PPP1CC: variants seen among roughly 807,000 people sequenced by gnomAD.
The protein encoded by PPP1CC is protein phosphatase 1 catalytic subunit gamma, also known as serine/threonine-protein phosphatase PP1-gamma catalytic subunit.
Under a neutral mutation model 38.4 loss-of-function variants are expected in PPP1CC, and 16 were observed. That is an observed-to-expected ratio of 0.42 (90% CI 0.28 to 0.63). The LOEUF (loss-of-function observed/expected upper bound fraction) is 0.63, where lower values mean the gene tolerates loss of function less well. PPP1CC is among the 30% of genes least tolerant of loss of function. The pLI is 0.25. For missense variants in PPP1CC, 170 were observed against 391.3 expected (o/e 0.43, Z 4.77); for synonymous variants, 158 against 136.0 (o/e 1.16, Z -1.13).
intron 2 of PPP1CC, among the ~76,000 whole-genome samples, chr12:110,731,443 C>G (rs1402494059): frequency 6.6e-6 from 1 of 152,070 alleles, no homozygotes; most frequent in Non-Finnish European, 1.5e-5. Flanking sequence ...TTAGCTATAA[C>G]CAGTGTTGCT....
the PPP1CC span, among the ~76,000 whole-genome samples, chr12:110,711,884 C>A: frequency 6.6e-6 from 1 of 152,020 alleles, no homozygotes; most frequent in Non-Finnish European, 1.5e-5. Context: ...GAGATCGCAC[C>A]ATTGCACTCC....
In PPP1CC at chr12:110,724,641, C is replaced by CA; in HGVS notation, c.523+18dup. Reference sequence around the variant, plus strand: ...GGAAGGGATCAAAACCTATTTGGAACAAAAATCAGCCCACCTACCTCCATG... The same window carrying CA: ...GGAAGGGATCAAAACCTATTTGGAACAAAAAATCAGCCCACCTACCTCCATG... On this transcript the variant is annotated intron_variant, in intron 4 of 6. Transcript: ENST00000335007. 1 of 1,519,402 alleles carries CA rather than the reference C, an allele frequency of 6.6e-7. No homozygotes were observed. The highest frequency in any genetic ancestry group is 9.1e-7 in the Non-Finnish European group (1 of 1,094,396). 94.1% of individuals were successfully genotyped at this position (1,519,402 alleles called of 1,614,324 possible).
the PPP1CC span, among the ~76,000 whole-genome samples, chr12:110,711,966 A>T: frequency 3.3e-5 from 5 of 152,144 alleles, no homozygotes; most frequent in African/African-American, 1.2e-4. Flanking sequence ...TTAAAAATAC[A>T]GTCACATGCC....
intron 1 of PPP1CC, among the ~76,000 whole-genome samples, chr12:110,736,064 AAAACAAAC>A (rs10699448): frequency 3.3e-5 from 5 of 150,122 alleles, no homozygotes; most frequent in Non-Finnish European, 7.4e-5. Flanking sequence ...ACTTTGTCTC[AAAACAAAC>A]AAACAAACAA....
Position 110,722,252 on chromosome 12 carries a change from A to G in PPP1CC, c.765T>C (p.Tyr255=). Residue 255 remains tyrosine, a synonymous_variant, in exon 6 of 7, where the codon TAT becomes TAC. Coordinates refer to ENST00000335007, the MANE Select transcript of PPP1CC (RefSeq NM_002710.4). The surrounding 1 kb of genome is among the most constrained non-coding windows in gnomAD (Gnocchi z 5.4). ...CRAHQVVEDG[Y]EFFAKRQLVT... is the part of the protein sequence containing the mutation. ...CCAACTGCCTCTTTGCAAAAAATTCATATCCATCTTCAACCACCTTGAAGA... is the reference window on the plus strand; with the variant it reads ...CCAACTGCCTCTTTGCAAAAAATTCGTATCCATCTTCAACCACCTTGAAGA... 6.2e-7 allele frequency: 1 copy of G among 1,614,104 alleles called. No individual in the cohort carries two copies. Among genetic ancestry groups the G allele is most frequent in the Non-Finnish European group, 8.5e-7 (1 of 1,179,996 alleles).
At chr12:110,730,834 T>A in intron 2 of PPP1CC, 75 bp from the exon 3 acceptor site, 1 of 979,932 alleles carries the variant, frequency 1.0e-6, no homozygotes. Context: ...TGGAAAGACA[T>A]TCTTTAAATA....
At chr12:110,708,674 C>A in the PPP1CC span, among the ~76,000 whole-genome samples, 1 of 151,886 alleles carries the variant, frequency 6.6e-6, no homozygotes, top group East Asian at 1.9e-4. Context: ...CATGGTGAAA[C>A]CCCGCCTTTA....
In PPP1CC at chr12:110,722,073, T is replaced by G; in HGVS notation, c.882+62A>C. On this transcript the variant is annotated intron_variant, in intron 6 of 6. Transcript: ENST00000335007. This position sits in a 1 kb window ranked among gnomAD's most constrained non-coding sequence, Gnocchi z 5.4. The stretch of plus-strand genomic sequence containing the variant: ...AACACTAGGCAAAAAGTAGCAATTA[T>G]ATTTTTCAATCAGCAAAGTGTAAAC... 6.3e-7 allele frequency: 1 copy of G among 1,599,126 alleles called. No individual in the cohort carries two copies. The highest frequency in any genetic ancestry group is 1.1e-5 in the South Asian group (1 of 89,720).
chr12:110,710,568 A>G, the PPP1CC span, among the ~76,000 whole-genome samples: 1 of 151,704 alleles, frequency 6.6e-6, no homozygotes, highest in Non-Finnish European at 1.5e-5. Flanking sequence ...AATACAAAAA[A>G]TTAGCTGGGT....
chr12:110,732,277 G>A, intron 1 of PPP1CC: 1 of 289,858 alleles, frequency 3.4e-6, no homozygotes, highest in East Asian at 5.9e-5. Flanking sequence ...CGCCAACATG[G>A]CGTGCACCTG....
At chr12:110,733,443 C>T (rs1035099874) in intron 1 of PPP1CC, among the ~76,000 whole-genome samples, 3 of 152,094 alleles carry the variant, frequency 2.0e-5, no homozygotes, top group Non-Finnish European at 4.4e-5. Flanking sequence ...TGCAGTTAGT[C>T]AATGCCATCA....
chr12:110,732,903 G>C (rs1045214244), intron 1 of PPP1CC: 1 of 152,132 alleles, frequency 6.6e-6, no homozygotes, highest in South Asian at 2.1e-4. Context: ...AAGTAGCACG[G>C]AACTGCTAAA....
intron 1 of PPP1CC, among the ~76,000 whole-genome samples, chr12:110,739,285 G>A (rs954829435): frequency 2.0e-5 from 3 of 151,988 alleles, no homozygotes; most frequent in African/African-American, 7.3e-5. Flanking sequence ...TCCAGCCTGG[G>A]TGACAGAGTG....
chr12:110,734,042 A>G (rs1360657786), intron 1 of PPP1CC, among the ~76,000 whole-genome samples: 1 of 151,834 alleles, frequency 6.6e-6, no homozygotes, highest in Admixed American at 6.6e-5. Context: ...TCTCTCATCC[A>G]TCTCCTCTCC....
chr12:110,730,505 C>T (rs2069859858), intron 3 of PPP1CC, 24 bp downstream of exon 3: 2 of 1,486,676 alleles, frequency 1.3e-6, no homozygotes, highest in African/African-American at 1.4e-5. Context: ...AATAACTCTT[C>T]CTTAGATATA....
At chr12:110,718,720 C>T (rs760869145), downstream of PPP1CC, among the ~76,000 whole-genome samples, 12 of 152,158 alleles carry the variant, frequency 7.9e-5, no homozygotes, top group African/African-American at 1.4e-4. Flanking sequence ...CTGCTATGGA[C>T]GTTTCATAGC....
chr12:110,715,806 A>G (rs2069682654), downstream of PPP1CC, among the ~76,000 whole-genome samples: 2 of 152,030 alleles, frequency 1.3e-5, no homozygotes, highest in Admixed American at 6.6e-5. Flanking sequence ...TTTTTATTAG[A>G]GATGGGATTT....
At position 110,722,072 on chromosome 12, in the gene PPP1CC, A is replaced by T. The variant is rs574276991; in HGVS notation, c.882+63T>A. The stretch of plus-strand genomic sequence containing the variant: ...GAACACTAGGCAAAAAGTAGCAATT[A>T]TATTTTTCAATCAGCAAAGTGTAAA... On this transcript the variant is annotated intron_variant, in intron 6 of 6. Transcript: ENST00000335007. The surrounding 1 kb of genome is among the most constrained non-coding windows in gnomAD (Gnocchi z 5.4). 3 of 1,598,796 alleles carry T rather than the reference A, an allele frequency of 1.9e-6. No homozygotes were observed. Among genetic ancestry groups the T allele is most frequent in the Non-Finnish European group, 2.6e-6 (3 of 1,170,596 alleles).
At chr12:110,714,962 A>C (rs1253799904), downstream of PPP1CC, among the ~76,000 whole-genome samples, 1 of 151,834 alleles carries the variant, frequency 6.6e-6, no homozygotes, top group Non-Finnish European at 1.5e-5. Flanking sequence ...ACCTCAGCAA[A>C]AACACCCTTT....
Sources: allele counts gnomAD v4.1 joint callset (sites outside exome capture counted in the v4.1 genomes callset), GRCh38; gene constraint gnomAD v4.1.1; non-coding constraint Gnocchi (gnomAD v3.1); transcripts MANE v1.5; gene names NCBI Gene and HGNC (gene_info 2026-07-23, HGNC 2026-07-21).